ADGRL1: variants seen among roughly 807,000 people sequenced by gnomAD.
The protein encoded by ADGRL1 is adhesion G protein-coupled receptor L1.
A neutral mutation model predicts 148.9 loss-of-function variants in ADGRL1; 31 were observed. The observed-to-expected ratio is 0.21, with a 90% CI of 0.16 to 0.28. The LOEUF (loss-of-function observed/expected upper bound fraction) is 0.28, where lower values mean the gene tolerates loss of function less well. Among genes scored for constraint, ADGRL1 ranks in the 10% least tolerant of loss-of-function variants. ADGRL1 has a pLI of 1.00. For missense variants in ADGRL1, 1,521 were observed against 2,058.8 expected (o/e 0.74, Z 5.05); for synonymous variants, 937 against 900.3 (o/e 1.04, Z -0.73).
chr19:14,163,008 G>T lies in ADGRL1; in HGVS notation c.793C>A (p.Leu265Met). 1 of 1,614,108 alleles carries T rather than the reference G, an allele frequency of 6.2e-7. No homozygotes were observed. Among genetic ancestry groups the T allele is most frequent in the Non-Finnish European group, 8.5e-7 (1 of 1,180,016 alleles). ...YRWGGKTDID[L>M]AVDENGLWVI... ...CACAGCCCGTTCTCGTCCACCGCCAGGTCAATGTCGGTCTTTCCGCCCCAG... is the reference window on the plus strand; with the variant it reads ...CACAGCCCGTTCTCGTCCACCGCCATGTCAATGTCGGTCTTTCCGCCCCAG... The change falls in exon 5 of 23, where the codon CTG becomes ATG. Residue 265 changes from leucine to methionine, a missense_variant. Around this residue, in one of 8 missense-constraint regions of ADGRL1, gnomAD observed 334 missense variants for 512.5 expected, o/e 0.65. Coordinates refer to ENST00000361434, the MANE Select transcript of ADGRL1 (RefSeq NM_014921.5).
chr19:14,155,203 C>G lies in ADGRL1; in HGVS notation c.3294+156G>C. ...TCCCTAACCCTGAGCTCGTGCTCCC[C>G]TCCCGGTGGACGCAGACCTGACCAC... On this transcript the variant is annotated intron_variant, in intron 18 of 22. Transcript: ENST00000361434. The surrounding 1 kb of genome is among the most constrained non-coding windows in gnomAD (Gnocchi z 5.0). 1 of 830,244 alleles carries G rather than the reference C, an allele frequency of 1.2e-6. No homozygotes were observed. The allele number at this position is 830,244 out of a possible 1,614,324, so 51.4% of individuals were successfully genotyped here.
At chr19:14,158,679 G>C (rs1795188070) in intron 11 of ADGRL1, 127 bp from the exon 12 acceptor site, 2 of 726,454 alleles carry the variant, frequency 2.8e-6, no homozygotes, top group Admixed American at 2.5e-5. Flanking sequence ...GACCTCTGAA[G>C]CCAGTCCATA....
chr19:14,153,868 G>C (rs571467192), intron 18 of ADGRL1, among the ~76,000 whole-genome samples: 142 of 151,914 alleles, frequency 9.3e-4, no homozygotes, highest in African/African-American at 3.2e-3. Context: ...TTGAAGCTGG[G>C]GGGGTGGAGG....
rs1320740351 is a variant in ADGRL1, at chr19:14,160,845, G to A, written c.1511-149C>T. The A allele has an allele frequency of 6.0e-6, 4 of 671,966 alleles. No homozygotes were observed. The highest frequency in any genetic ancestry group is 4.9e-5 in the South Asian group (3 of 60,734). 41.6% of individuals were successfully genotyped at this position (671,966 alleles called of 1,614,324 possible). A position where few individuals can be genotyped will look rare whatever the true frequency, so the allele number is the denominator to read the frequency against. On this transcript the variant is annotated intron_variant, in intron 6 of 22. Coordinates refer to ENST00000361434, the MANE Select transcript of ADGRL1 (RefSeq NM_014921.5). The surrounding 1 kb of genome is among the most constrained non-coding windows in gnomAD (Gnocchi z 5.9). ...AAACACGGAGAAACAGACATGAAGC[G>A]GGCTGGACAGTCGAAAGAGGCGCCA...
At chr19:14,204,678 G>T (rs1478963515) in intron 1 of ADGRL1, among the ~76,000 whole-genome samples, 1 of 151,000 alleles carries the variant, frequency 6.6e-6, no homozygotes, top group South Asian at 2.1e-4. Flanking sequence ...GGGGAAGAGA[G>T]AAAGACAGAG....
Position 14,158,566 on chromosome 19 carries a change from G to GC in ADGRL1, c.2150-15dup. ...CTTTGACCACCCCTGGTGAGAACAG[G>GC]CACGTTTGGATGTGTCAGCATCCTC... is the stretch of plus-strand genomic sequence containing the variant. On this transcript the variant is annotated splice_polypyrimidine_tract_variant and intron_variant, in intron 11 of 22. Coordinates refer to ENST00000361434, the MANE Select transcript of ADGRL1 (RefSeq NM_014921.5). 6.2e-7 allele frequency: 1 copy of GC among 1,607,012 alleles called. No homozygotes were observed. Among genetic ancestry groups the GC allele is most frequent in the Non-Finnish European group, 8.5e-7 (1 of 1,174,054 alleles).
Position 14,159,384 on chromosome 19 carries a change from G to T in ADGRL1, c.2023+17C>A. On this transcript the variant is annotated intron_variant, in intron 10 of 22. Coordinates refer to ENST00000361434, the MANE Select transcript of ADGRL1 (RefSeq NM_014921.5). This position sits in a 1 kb window ranked among gnomAD's most constrained non-coding sequence, Gnocchi z 6.0. The stretch of plus-strand genomic sequence containing the variant: ...AGGTTCGTATCTGAGTTTGCCCTGG[G>T]TGACTGTGGCACTCACCCACGTTCT... 1.3e-6 allele frequency: 2 copies of T among 1,595,562 alleles called. No individual in the cohort carries two copies. Among genetic ancestry groups the T allele is most frequent in the East Asian group, 2.2e-5 (1 of 44,556 alleles).
Position 14,163,345 on chromosome 19 carries a change from C to T in ADGRL1, c.456G>A (p.Glu152=). ...VLEPTSTHES[E]HQSGAWCKDP... ...CCTTGCACCATGCGCCAGACTGGTG[C>T]TCTGACTCGTGTGTCGAGGTGGGCT... Residue 152 remains glutamate (E), a synonymous_variant, in exon 5 of 23, where the codon GAG becomes GAA. Transcript: ENST00000361434. The T allele has an allele frequency of 1.2e-6, 2 of 1,608,426 alleles. No homozygotes were observed. The highest frequency in any genetic ancestry group is 1.7e-6 in the Non-Finnish European group (2 of 1,178,012).
Position 14,174,996 on chromosome 19 carries a change from G to A in ADGRL1, c.284+2535C>T, listed in dbSNP as rs146688315. 9.1e-3 allele frequency among the ~76,000 whole-genome samples: 1,384 copies of A among 151,620 alleles called. 25 individuals are homozygous for A. Among genetic ancestry groups the A allele is most frequent in the African/African-American group, 0.032 (1,331 of 41,288 alleles). ...AGCTGGGACCACAGGCACACACCAT[G>A]ACTGGCTAATTTATTTTTTAGTTTC... On this transcript the variant is annotated intron_variant, in intron 3 of 22. Coordinates refer to ENST00000361434, the MANE Select transcript of ADGRL1 (RefSeq NM_014921.5).
chr19:14,173,257 A>G (rs1408008710), intron 3 of ADGRL1, among the ~76,000 whole-genome samples: 1 of 151,990 alleles, frequency 6.6e-6, no homozygotes, highest in East Asian at 1.9e-4. Flanking sequence ...CATCACACCC[A>G]GCCTATTTTA....
intron 1 of ADGRL1, among the ~76,000 whole-genome samples, chr19:14,195,927 C>A (rs150373515): frequency 0.011 from 1,654 of 152,244 alleles, 19 homozygotes; most frequent in Non-Finnish European, 0.016. Context: ...GCAGCCCAGT[C>A]CCTCCAGGGG....
chr19:14,156,829 G>A lies in ADGRL1; in HGVS notation c.2966+96C>T, dbSNP rs1042839115. On this transcript the variant is annotated intron_variant, in intron 15 of 22. Transcript: ENST00000361434. The stretch of plus-strand genomic sequence containing the variant: ...AGGCTGCAGCCTCTGGGATCAGGAG[G>A]AGGAAGGGACTACCGCCCTGAGGGT... 3.3e-6 allele frequency: 5 copies of A among 1,526,398 alleles called. No homozygotes were observed. In the Admixed American group the frequency reaches 5.6e-5, roughly 17 times the overall value. 94.6% of individuals were successfully genotyped at this position (1,526,398 alleles called of 1,614,324 possible).
chr19:14,197,847 A>G (rs574636584), intron 1 of ADGRL1, among the ~76,000 whole-genome samples: 2 of 152,348 alleles, frequency 1.3e-5, no homozygotes, highest in Non-Finnish European at 2.9e-5. Context: ...TAATGAATGA[A>G]GATGAAATAG....
Position 14,160,403 on chromosome 19 carries a change from T to C in ADGRL1, c.1615-106A>G. On this transcript the variant is annotated intron_variant, in intron 7 of 22. Transcript: ENST00000361434. This position sits in a 1 kb window ranked among gnomAD's most constrained non-coding sequence, Gnocchi z 5.9. ...CAGCCTCTCCTATCTCTCTCTCCAC[T>C]TCCCCATCGCCATCTGCCCCTTCCC... 2 of 1,108,376 alleles carry C rather than the reference T, an allele frequency of 1.8e-6. No individual in the cohort carries two copies. The highest frequency in any genetic ancestry group is 2.5e-5 in the Admixed American group (1 of 39,630). The allele number at this position is 1,108,376 out of a possible 1,614,324, so 68.7% of individuals were successfully genotyped here.
intron 1 of ADGRL1, among the ~76,000 whole-genome samples, chr19:14,202,545 G>A (rs1972682914): frequency 6.6e-6 from 1 of 152,194 alleles, no homozygotes; most frequent in South Asian, 2.1e-4. Flanking sequence ...GAGCCACCAC[G>A]CCCAGCTGAT....
At chr19:14,151,731 G>A in intron 22 of ADGRL1, 116 bp from the exon 23 acceptor site, 1 of 1,020,126 alleles carries the variant, frequency 9.8e-7, no homozygotes, top group Non-Finnish European at 1.4e-6. Flanking sequence ...GTTTTCCGTA[G>A]GCTTCCCCCT....
chr19:14,167,100 A>T, intron 4 of ADGRL1: 1 of 1,334,750 alleles, frequency 7.5e-7, no homozygotes, highest in Non-Finnish European at 1.1e-6. Flanking sequence ...AAAAGAGAAA[A>T]AAAAAGAGAT....
chr19:14,154,594 G>C (rs536557195), intron 18 of ADGRL1, among the ~76,000 whole-genome samples: 1 of 149,404 alleles, frequency 6.7e-6, no homozygotes, highest in African/African-American at 2.5e-5. Flanking sequence ...CCAGCCCTTT[G>C]TATGTGTGGT....
chr19:14,149,863 C>T lies in ADGRL1; in HGVS notation c.*1010G>A, dbSNP rs563915804. 2 of 150,052 alleles carry T rather than the reference C, an allele frequency of 1.3e-5. No homozygotes were observed. The highest frequency in any genetic ancestry group is 3.0e-5 in the Non-Finnish European group (2 of 67,452). The allele number at this position is 150,052 out of a possible 1,614,324, so 9.3% of individuals were successfully genotyped here. Reference sequence around the variant, plus strand: ...GCGCTGCTCTGCTCCGGAGAAAGCCCGGGCTGGCCCGGGCCGCAGGCTCCC... The same window carrying T: ...GCGCTGCTCTGCTCCGGAGAAAGCCTGGGCTGGCCCGGGCCGCAGGCTCCC... On this transcript the variant is annotated 3_prime_UTR_variant, in exon 23 of 23. Transcript: ENST00000361434.
Sources: allele counts gnomAD v4.1 joint callset (sites outside exome capture counted in the v4.1 genomes callset), GRCh38; gene constraint gnomAD v4.1.1; regional missense constraint gnomAD v4.1.1; non-coding constraint Gnocchi (gnomAD v3.1); transcripts MANE v1.5; gene names NCBI Gene and HGNC (gene_info 2026-07-23, HGNC 2026-07-21).